NFIL3: variants seen among roughly 807,000 people sequenced by gnomAD.
The protein encoded by NFIL3 is nuclear factor interleukin-3-regulated protein.
A neutral mutation model predicts 10.0 loss-of-function variants in NFIL3; 5 were observed. The ratio of observed to expected loss-of-function variants is 0.50; its 90% CI spans 0.26 to 1.06. NFIL3 has a LOEUF of 1.06. Among genes scored for constraint, NFIL3 ranks in the 50% least tolerant of loss-of-function variants. NFIL3 has a pLI of 0.13. For synonymous variants in NFIL3, 202 were observed against 206.5 expected (o/e 0.98, Z 0.19); for missense variants, 436 against 547.6 (o/e 0.80, Z 2.03).
At chr9:91,419,263 G>A (rs149866907) in intron 1 of NFIL3, among the ~76,000 whole-genome samples, 4 of 152,292 alleles carry the variant, frequency 2.6e-5, no homozygotes, top group Non-Finnish European at 5.9e-5. Context: ...TGAAGTATAT[G>A]AGTTTAACCT....
chr9:91,410,944 T>C lies in NFIL3; in HGVS notation c.-172-38A>G. The C allele has an allele frequency of 2.0e-6, 1 of 503,006 alleles. No homozygotes were observed. Among genetic ancestry groups the C allele is most frequent in the Non-Finnish European group, 3.6e-6 (1 of 281,226 alleles). The allele number at this position is 503,006 out of a possible 1,614,324, so 31.2% of individuals were successfully genotyped here. ...AATAAAAAAAAAACCAGTTATTCAC[T>C]GGATAAATGTTTATTACAAATTATG... On this transcript the variant is annotated intron_variant, in intron 1 of 1. Transcript: ENST00000297689. This position sits in a 1 kb window ranked among gnomAD's most constrained non-coding sequence, Gnocchi z 5.7.
the NFIL3 span, among the ~76,000 whole-genome samples, chr9:91,429,209 G>C: frequency 1.3e-5 from 2 of 152,332 alleles, no homozygotes; most frequent in East Asian, 1.9e-4. Flanking sequence ...ACTGGAAAGA[G>C]CTACACAGCT....
upstream of NFIL3, among the ~76,000 whole-genome samples, chr9:91,425,127 C>G (rs966581279): frequency 1.3e-5 from 2 of 152,176 alleles, no homozygotes; most frequent in African/African-American, 4.8e-5. Flanking sequence ...AGCCAGCTCC[C>G]TCCTGGTCTC....
At chr9:91,441,937 T>C in the NFIL3 span, among the ~76,000 whole-genome samples, 1 of 151,734 alleles carries the variant, frequency 6.6e-6, no homozygotes, top group African/African-American at 2.4e-5. Context: ...AGCACCATTA[T>C]AGTGTTGGAG....
the NFIL3 span, among the ~76,000 whole-genome samples, chr9:91,463,597 G>A: frequency 1.2e-4 from 18 of 152,158 alleles, no homozygotes; most frequent in Non-Finnish European, 2.5e-4. Flanking sequence ...CTGTCTTGGT[G>A]AATGTTCCAT....
chr9:91,416,734 G>GTA (rs1833665190), intron 1 of NFIL3, among the ~76,000 whole-genome samples: 1 of 152,152 alleles, frequency 6.6e-6, no homozygotes, highest in Admixed American at 6.5e-5. Flanking sequence ...TAATGCTTTT[G>GTA]TATAGTCCAT....
chr9:91,473,791 C>T, the NFIL3 span, among the ~76,000 whole-genome samples: 1 of 152,232 alleles, frequency 6.6e-6, no homozygotes, highest in African/African-American at 2.4e-5. Flanking sequence ...TCTTCTGCAT[C>T]GATTACGCTG....
At chr9:91,419,385 TC>T (rs989241519) in intron 1 of NFIL3, among the ~76,000 whole-genome samples, 13 of 152,228 alleles carry the variant, frequency 8.5e-5, no homozygotes, top group Admixed American at 7.8e-4. Context: ...ACTAGAAAAA[TC>T]CACTCAGCTG....
At chr9:91,483,348 C>T in the NFIL3 span, among the ~76,000 whole-genome samples, 1 of 152,210 alleles carries the variant, frequency 6.6e-6, no homozygotes, top group Non-Finnish European at 1.5e-5. Context: ...AGTACTCACC[C>T]TGCTCAAAAT....
At chr9:91,478,755 CTGT>C in the NFIL3 span, among the ~76,000 whole-genome samples, 1 of 152,100 alleles carries the variant, frequency 6.6e-6, no homozygotes, top group Non-Finnish European at 1.5e-5. Flanking sequence ...CCTTTTTGCA[CTGT>C]TTTTTCCTGA....
the NFIL3 span, among the ~76,000 whole-genome samples, chr9:91,476,456 C>T: frequency 2.0e-5 from 3 of 152,002 alleles, no homozygotes; most frequent in Non-Finnish European, 4.4e-5. Flanking sequence ...ACCTGTAATC[C>T]CAGCTATTCT....
upstream of NFIL3, among the ~76,000 whole-genome samples, chr9:91,424,817 T>G (rs71494452): frequency 0.057 from 8,618 of 152,332 alleles, 304 homozygotes; most frequent in Middle Eastern, 0.14. Context: ...GCGCGGGATC[T>G]CTTCCTGTGA....
At chr9:91,438,795 C>A in the NFIL3 span, among the ~76,000 whole-genome samples, 3 of 152,132 alleles carry the variant, frequency 2.0e-5, no homozygotes, top group South Asian at 6.2e-4. Flanking sequence ...CTCTTGGTGC[C>A]TTGGTCAAAA....
At chr9:91,412,222 T>C (rs1833567611) in intron 1 of NFIL3, among the ~76,000 whole-genome samples, 1 of 152,058 alleles carries the variant, frequency 6.6e-6, no homozygotes. Flanking sequence ...AGAATATAGT[T>C]ACAGAAAAAA....
rs554240382 is a variant in NFIL3, at chr9:91,412,609, C to T, written c.-172-1703G>A. 2.0e-5 allele frequency among the ~76,000 whole-genome samples: 3 copies of T among 152,096 alleles called. No homozygotes were observed. In the East Asian group the frequency reaches 5.8e-4, roughly 29 times the overall value. ...CTGTAATCCCAGCACTTTGGGAGGC[C>T]GAGGTGGGCGGATCACCTGAGGTCA... On this transcript the variant is annotated intron_variant, in intron 1 of 1. Transcript: ENST00000297689.
chr9:91,482,439 T>A, the NFIL3 span, among the ~76,000 whole-genome samples: 3 of 151,700 alleles, frequency 2.0e-5, no homozygotes, highest in Non-Finnish European at 4.4e-5. Flanking sequence ...TGGGTGATGA[T>A]GATGATGATG....
chr9:91,460,115 G>C, the NFIL3 span, among the ~76,000 whole-genome samples: 1 of 151,864 alleles, frequency 6.6e-6, no homozygotes, highest in Non-Finnish European at 1.5e-5. Context: ...ACCATCCACT[G>C]CTCCTTCTGC....
the NFIL3 span, among the ~76,000 whole-genome samples, chr9:91,449,183 C>T: frequency 1.3e-5 from 2 of 151,716 alleles, no homozygotes; most frequent in Admixed American, 6.6e-5. Flanking sequence ...TTACCTGCTC[C>T]TTTTCGTTAT....
the NFIL3 span, among the ~76,000 whole-genome samples, chr9:91,431,089 C>T: frequency 1.3e-5 from 2 of 152,178 alleles, no homozygotes; most frequent in East Asian, 1.9e-4. Context: ...TTTGCAAAGT[C>T]GGCATGGGAG....
Sources: allele counts gnomAD v4.1 joint callset (sites outside exome capture counted in the v4.1 genomes callset), GRCh38; gene constraint gnomAD v4.1.1; non-coding constraint Gnocchi (gnomAD v3.1); transcripts MANE v1.5; gene names NCBI Gene and HGNC (gene_info 2026-07-23, HGNC 2026-07-21).